PJA2: variants seen among roughly 807,000 people sequenced by gnomAD.
PJA2 encodes the protein praja ring finger ubiquitin ligase 2, also known as E3 ubiquitin-protein ligase Praja-2.
A neutral mutation model predicts 69.3 loss-of-function variants in PJA2; 25 were observed. That is an observed-to-expected ratio of 0.36 (90% CI 0.26 to 0.50). The LOEUF is 0.50. Ranked by LOEUF, PJA2 falls within the 20% of genes least tolerant of loss-of-function variation. PJA2 has a pLI of 0.96. For missense variants in PJA2, 809 were observed against 830.2 expected (o/e 0.97, Z 0.31); for synonymous variants, 308 against 277.8 (o/e 1.11, Z -1.08).
chr5:109,350,209 A>G (rs1272793084), intron 7 of PJA2, among the ~76,000 whole-genome samples: 2 of 152,126 alleles, frequency 1.3e-5, no homozygotes, highest in Non-Finnish European at 2.9e-5. Context: ...TCATATATTT[A>G]AGATGATCCA....
intron 9 of PJA2, among the ~76,000 whole-genome samples, chr5:109,342,021 G>A (rs1306282859): frequency 4.5e-5 from 2 of 44,748 alleles, no homozygotes; most frequent in East Asian, 7.3e-4. Context: ...GCCCCCCGCC[G>A]GGCCAGCCGC....
At position 109,407,263 on chromosome 5, in the gene PJA2, G is replaced by A. The variant is rs76241595; in HGVS notation, c.-88+2579C>T. On this transcript the variant is annotated intron_variant, in intron 1 of 9. Transcript: ENST00000361189. ...TGCTCTCTCAGGAAAATATAAACCA[G>A]GGAATACTGGTGATGCCCACATATA... Among the ~76,000 whole-genome samples, 1,159 of 152,208 alleles carry A rather than the reference G, an allele frequency of 7.6e-3. 13 individuals carry two copies. Among genetic ancestry groups the A allele is most frequent in the African/African-American group, 0.026 (1,085 of 41,528 alleles).
At chr5:109,375,838 T>G (rs962969821) in intron 4 of PJA2, among the ~76,000 whole-genome samples, 73 of 152,202 alleles carry the variant, frequency 4.8e-4, no homozygotes, top group African/African-American at 1.8e-3. Context: ...ATTCCAACCT[T>G]TAGCTGGCAC....
intron 1 of PJA2, among the ~76,000 whole-genome samples, chr5:109,395,444 G>A (rs1207203730): frequency 1.3e-5 from 2 of 152,102 alleles, no homozygotes; most frequent in Non-Finnish European, 2.9e-5. Flanking sequence ...GGGAGGTCAC[G>A]TGAGCCTGGG....
chr5:109,341,522 G>A (rs1212861635), intron 9 of PJA2, among the ~76,000 whole-genome samples: 24 of 134,334 alleles, frequency 1.8e-4, no homozygotes, highest in African/African-American at 3.6e-4. Context: ...GTCTCCGCCC[G>A]GCAGCCACCC....
chr5:109,343,346 A>G (rs1396614221), intron 9 of PJA2, among the ~76,000 whole-genome samples: 1 of 53,366 alleles, frequency 1.9e-5, no homozygotes, highest in African/African-American at 9.5e-5. Flanking sequence ...GAGATAATGT[A>G]CCATAAAAAA....
chr5:109,341,135 T>A (rs1762046772), intron 9 of PJA2, among the ~76,000 whole-genome samples: 2 of 92,050 alleles, frequency 2.2e-5, no homozygotes, highest in Non-Finnish European at 2.4e-5. Flanking sequence ...TCTGCCTGGC[T>A]GCCCAGTCTG....
chr5:109,375,979 C>T (rs1342259443), intron 4 of PJA2, among the ~76,000 whole-genome samples: 1 of 152,112 alleles, frequency 6.6e-6, no homozygotes, highest in African/African-American at 2.4e-5. Flanking sequence ...TGTACAGACA[C>T]TTTGAGATCG....
rs980815135 is a variant in PJA2, at chr5:109,383,410, C to T, written c.24G>A (p.Glu8=). 2.5e-6 allele frequency: 4 copies of T among 1,613,338 alleles called. No individual in the cohort carries two copies. Among genetic ancestry groups the T allele is most frequent in the Non-Finnish European group, 3.4e-6 (4 of 1,179,534 alleles). The change falls in exon 2 of 10, where the codon GAG becomes GAA. Residue 8 remains glutamate (E), a synonymous_variant. Transcript: ENST00000361189. Reference sequence around the variant, plus strand: ...AGAACTGACTTTCCTTACCTGCTGGCTCCTTTTCAGTGTACTGTGACATAT... The same window carrying T: ...AGAACTGACTTTCCTTACCTGCTGGTTCCTTTTCAGTGTACTGTGACATAT... MSQYTEK[E]PAAMDQESGK...
At chr5:109,350,070 T>C in intron 7 of PJA2, among the ~76,000 whole-genome samples, 1 of 152,232 alleles carries the variant, frequency 6.6e-6, no homozygotes, top group Admixed American at 6.5e-5. Flanking sequence ...TATTCCAGGC[T>C]AATTATGCTT....
intron 7 of PJA2, among the ~76,000 whole-genome samples, chr5:109,347,323 G>C (rs572731748): frequency 6.6e-6 from 1 of 152,348 alleles, no homozygotes; most frequent in Non-Finnish European, 1.5e-5. Flanking sequence ...TCAGCAGAAG[G>C]TGCTGGAGAG....
intron 5 of PJA2, among the ~76,000 whole-genome samples, chr5:109,366,621 A>G (rs1001646543): frequency 6.6e-6 from 1 of 152,172 alleles, no homozygotes; most frequent in Non-Finnish European, 1.5e-5. Flanking sequence ...CTGGGTTTGT[A>G]TCTTGGTTAT....
chr5:109,388,305 G>C (rs1228213991), intron 1 of PJA2, among the ~76,000 whole-genome samples: 2 of 152,074 alleles, frequency 1.3e-5, no homozygotes, highest in Admixed American at 1.3e-4. Context: ...AACCTGGAAA[G>C]GGTAATGCCC....
chr5:109,396,387 A>G (rs1028240082), intron 1 of PJA2, among the ~76,000 whole-genome samples: 2 of 151,612 alleles, frequency 1.3e-5, no homozygotes, highest in Admixed American at 1.3e-4. Flanking sequence ...TCTTCTTAAA[A>G]TACCAATCAT....
intron 2 of PJA2, among the ~76,000 whole-genome samples, chr5:109,382,622 C>A (rs929590824): frequency 6.6e-6 from 1 of 152,044 alleles, no homozygotes; most frequent in Non-Finnish European, 1.5e-5. Context: ...ATGAGGCAGT[C>A]GGATCACTTG....
rs1359527848 is a variant in PJA2, at chr5:109,335,975, T to C, written c.*1256A>G. ...TTATGTTCCTTATATTTAAGCCTCA[T>C]ATGTGCCAACAGTGAAAATTCATTT... On this transcript the variant is annotated 3_prime_UTR_variant, in exon 10 of 10. Coordinates refer to ENST00000361189, the MANE Select transcript of PJA2 (RefSeq NM_014819.5). 2.6e-5 allele frequency: 4 copies of C among 152,578 alleles called. No homozygotes were observed. The highest frequency in any genetic ancestry group is 5.9e-5 in the Non-Finnish European group (4 of 68,020). 9.5% of individuals were successfully genotyped at this position (152,578 alleles called of 1,614,324 possible).
intron 9 of PJA2, 73 bp downstream of exon 9, chr5:109,344,117 A>AAG: frequency 1.0e-6 from 1 of 965,034 alleles, no homozygotes; most frequent in Non-Finnish European, 1.4e-6. Context: ...AAAAAAAAAA[A>AAG]AAAGATACTA....
chr5:109,406,126 C>T (rs1216216466), intron 1 of PJA2, among the ~76,000 whole-genome samples: 1 of 149,414 alleles, frequency 6.7e-6, no homozygotes, highest in Admixed American at 6.7e-5. Flanking sequence ...TCACTGCGAG[C>T]TCCACCTCCC....
In PJA2 at chr5:109,378,740, G is replaced by T; in HGVS notation, c.747C>A (p.Val249=). The T allele has an allele frequency of 6.2e-7, 1 of 1,612,458 alleles. No individual in the cohort carries two copies. Among genetic ancestry groups the T allele is most frequent in the Non-Finnish European group, 8.5e-7 (1 of 1,180,000 alleles). ...VKSSAGDTEF[V]HQNSQEIQRS... ...TCTGAATTTCCTGGCTATTCTGATG[G>T]ACAAACTCAGTATCACCAGCAGAAC... is the stretch of plus-strand genomic sequence containing the variant. The change falls in exon 4 of 10, where the codon GTC becomes GTA. Residue 249 remains valine (V), a synonymous_variant. Coordinates refer to ENST00000361189, the MANE Select transcript of PJA2 (RefSeq NM_014819.5).
Sources: allele counts gnomAD v4.1 joint callset (sites outside exome capture counted in the v4.1 genomes callset), GRCh38; gene constraint gnomAD v4.1.1; transcripts MANE v1.5; gene names NCBI Gene and HGNC (gene_info 2026-07-23, HGNC 2026-07-21).